Variants in VWF observed in about 807,000 individuals in gnomAD.
The protein encoded by VWF is Factor VIII related antigen.
Under a neutral mutation model 308.6 loss-of-function variants are expected in VWF, and 176 were observed. That is an observed-to-expected ratio of 0.57 (90% CI 0.50 to 0.65). The LOEUF is 0.65. VWF is among the 30% of genes least tolerant of loss of function. The pLI is 0.00. For missense variants in VWF, 3,146 were observed against 3,648.2 expected, an observed-to-expected ratio of 0.86 and a Z score of 3.55; for synonymous variants, 1,385 against 1,443.4, an observed-to-expected ratio of 0.96 and a Z score of 0.92.
rs2136408263 is a variant in VWF at position 6,016,088 on chromosome 12, C to T, written c.5455+1G>A. 2 of 1,614,120 alleles carry T rather than the reference C, an allele frequency of 1.2e-6. No homozygotes were observed. Among genetic ancestry groups the T allele is most frequent in the Admixed American group, 3.3e-5 (2 of 60,020 alleles). On this transcript the variant is annotated splice_donor_variant, in intron 31 of 51. Transcript: ENST00000261405. LOFTEE classifies it high-confidence loss of function. ...TTGAGGACTGTACACCAGATTCTTACTGTTGGACCTGGCGGCATCAGCTGC... is the reference window on the plus strand; with the variant it reads ...TTGAGGACTGTACACCAGATTCTTATTGTTGGACCTGGCGGCATCAGCTGC...
chr12:6,075,236 C>T lies in VWF; in HGVS notation c.874+99G>A. 1.4e-6 allele frequency: 2 copies of T among 1,477,832 alleles called. No homozygotes were observed. The highest frequency in any genetic ancestry group is 1.9e-6 in the Non-Finnish European group (2 of 1,070,864). The allele number at this position is 1,477,832 out of a possible 1,614,324, so 91.5% of individuals were successfully genotyped here. A position where few individuals can be genotyped will look rare whatever the true frequency, so the allele number is the denominator to read the frequency against. On this transcript the variant is annotated intron_variant, in intron 7 of 51. Coordinates refer to ENST00000261405, the MANE Select transcript of VWF (RefSeq NM_000552.5). The surrounding 1 kb of genome is among the most constrained non-coding windows in gnomAD (Gnocchi z 4.7). ...ACTGGCTGGCTGGGTGTGGTAAAGC[C>T]GCACATACGTGACACAGCCCCGAAG...
chr12:6,036,181 G>A (rs1591875353), intron 19 of VWF, among the ~76,000 whole-genome samples: 2 of 152,318 alleles, frequency 1.3e-5, no homozygotes, highest in Admixed American at 1.3e-4. Context: ...CTAACCTGTT[G>A]AATAGTGTCT....
In VWF at chr12:6,018,609, CA is replaced by C. The variant is rs1269337294; in HGVS notation, c.4808del (p.Leu1603ArgfsTer90). ...SQGDREQAPN[L>X]VYMVTGNPAS... ...CAGGATTTCCGGTGACCATGTAGACCAGGTTGGGCGCCTGCTCCCGGTCACC... is the reference window on the plus strand; with the variant it reads ...CAGGATTTCCGGTGACCATGTAGACCGGTTGGGCGCCTGCTCCCGGTCACC... On this transcript the variant is annotated frameshift_variant, in exon 28 of 52. Coordinates refer to ENST00000261405, the MANE Select transcript of VWF (RefSeq NM_000552.5). LOFTEE classifies it high-confidence loss of function. The C allele has an allele frequency of 6.2e-7, 1 of 1,613,992 alleles. No homozygotes were observed. The highest frequency in any genetic ancestry group is 8.5e-7 in the Non-Finnish European group (1 of 1,180,014).
chr12:6,074,431 C>A (rs1302913293), intron 7 of VWF, among the ~76,000 whole-genome samples: 3 of 149,102 alleles, frequency 2.0e-5, no homozygotes, highest in Non-Finnish European at 4.4e-5. Flanking sequence ...ACTATTGCCC[C>A]TTAACCCTTC....
chr12:6,027,737 T>G (rs1388097881), intron 22 of VWF, among the ~76,000 whole-genome samples: 1 of 151,972 alleles, frequency 6.6e-6, no homozygotes, highest in Non-Finnish European at 1.5e-5. Context: ...GCCCACCAAT[T>G]TTAGCTTTCC....
At chr12:6,044,583 C>A in intron 17 of VWF, 132 bp from the exon 18 acceptor site, 1 of 1,165,862 alleles carries the variant, frequency 8.6e-7, no homozygotes, top group Non-Finnish European at 1.2e-6. Context: ...CGGGGACCAG[C>A]AGCTGCCTGA....
rs147150076 is a variant in VWF at position 6,087,124 on chromosome 12, A to G, written c.657+8336T>C. Among the ~76,000 whole-genome samples, 447 of 152,300 alleles carry G rather than the reference A, an allele frequency of 2.9e-3. 1 individual carries two copies. Among genetic ancestry groups the G allele is most frequent in the African/African-American group, 8.9e-3 (371 of 41,574 alleles). Reference sequence around the variant, plus strand: ...GAAAACAGGAAATCTGAGGCTATTCAGTGACTGACAGGACTGCAATTGATG... The same window carrying G: ...GAAAACAGGAAATCTGAGGCTATTCGGTGACTGACAGGACTGCAATTGATG... On this transcript the variant is annotated intron_variant, in intron 6 of 51. Coordinates refer to ENST00000261405, the MANE Select transcript of VWF (RefSeq NM_000552.5).
At position 6,058,847 on chromosome 12, in the gene VWF, G is replaced by A. The variant is rs1802591839; in HGVS notation, c.1534-803C>T. On this transcript the variant is annotated intron_variant, in intron 13 of 51. Transcript: ENST00000261405. The surrounding 1 kb of genome is among the most constrained non-coding windows in gnomAD (Gnocchi z 4.9). Reference sequence around the variant, plus strand: ...TGCACATTCGGGAACAACCAGCAGAGTGGAGCCCGCCCTTCCCCCACACAG... The same window carrying A: ...TGCACATTCGGGAACAACCAGCAGAATGGAGCCCGCCCTTCCCCCACACAG... Among the ~76,000 whole-genome samples, 1 of 152,232 alleles carries A rather than the reference G, an allele frequency of 6.6e-6. No individual in the cohort carries two copies. The highest frequency in any genetic ancestry group is 2.4e-5 in the African/African-American group (1 of 41,454).
intron 8 of VWF, 140 bp downstream of exon 8, chr12:6,073,479 G>C: frequency 8.3e-7 from 1 of 1,207,454 alleles, no homozygotes; most frequent in South Asian, 1.3e-5. Context: ...GATCACGCTG[G>C]ACAAAGACAT....
At chr12:6,072,870 C>CTT (rs11386491) in intron 8 of VWF, among the ~76,000 whole-genome samples, 278 of 146,300 alleles carry the variant, frequency 1.9e-3, no homozygotes, top group East Asian at 6.2e-3. Context: ...CTCTCAATAA[C>CTT]TTTTTTTTTT....
chr12:6,032,934 A>C (rs111918497), intron 20 of VWF, among the ~76,000 whole-genome samples: 1 of 151,978 alleles, frequency 6.6e-6, no homozygotes, highest in African/African-American at 2.4e-5. Context: ...ACACGCGCTC[A>C]CGCATACACA....
intron 51 of VWF, among the ~76,000 whole-genome samples, chr12:5,949,421 T>A (rs1191721812): frequency 6.6e-6 from 1 of 152,182 alleles, no homozygotes; most frequent in African/African-American, 2.4e-5. Context: ...CACACCCCTC[T>A]AGCTGCAATT....
chr12:6,066,075 C>T (rs1426844199), intron 10 of VWF, among the ~76,000 whole-genome samples: 2 of 152,192 alleles, frequency 1.3e-5, no homozygotes, highest in Non-Finnish European at 2.9e-5. Context: ...ACTAGGACTC[C>T]CCTTCATCAC....
At chr12:6,009,426 A>AACAC (rs3062550) in intron 34 of VWF, among the ~76,000 whole-genome samples, 4,443 of 146,590 alleles carry the variant, frequency 0.03, 87 homozygotes, top group East Asian at 0.052. Flanking sequence ...GCCATTATCA[A>AACAC]ACACACACAC....
chr12:6,119,403 C>T (rs966192377), intron 3 of VWF, among the ~76,000 whole-genome samples: 1 of 152,236 alleles, frequency 6.6e-6, no homozygotes, highest in Non-Finnish European at 1.5e-5. Context: ...CTGCTCCAGC[C>T]ACACTGACCT....
intron 47 of VWF, among the ~76,000 whole-genome samples, chr12:5,963,935 C>T (rs1345417457): frequency 2.0e-5 from 3 of 152,156 alleles, no homozygotes; most frequent in African/African-American, 7.2e-5. Flanking sequence ...CAGCCAGGCG[C>T]AGTGGCTCAC....
Position 6,029,406 on chromosome 12 carries a change from T to C in VWF, c.2903A>G (p.Lys968Arg). Residue 968 changes from lysine (K) to arginine (R), a missense_variant, in exon 22 of 52, where the codon AAA becomes AGA. This residue lies in a region of VWF where 1,304 missense variants were observed against 1,353.0 expected (regional missense o/e 0.96). Transcript: ENST00000261405. ...SGRYIILLLG[K>R]ALSVVWDRHL... is the part of the protein sequence containing the mutation. ...GCGGTCCCAGACCACGGAGAGGGCTTTGCCCAGCAGCAGAATGATGTACCG... is the reference window on the plus strand; with the variant it reads ...GCGGTCCCAGACCACGGAGAGGGCTCTGCCCAGCAGCAGAATGATGTACCG... 4 of 1,613,996 alleles carry C rather than the reference T, an allele frequency of 2.5e-6. No individual in the cohort carries two copies. Among genetic ancestry groups the C allele is most frequent in the Non-Finnish European group, 3.4e-6 (4 of 1,180,000 alleles).
At position 6,056,988 on chromosome 12, in the gene VWF, AG is replaced by A; in HGVS notation, c.1813del (p.Leu605CysfsTer46). The A allele has an allele frequency of 2.6e-6, 4 of 1,545,690 alleles. No homozygotes were observed. Among genetic ancestry groups the A allele is most frequent in the Non-Finnish European group, 3.5e-6 (4 of 1,150,406 alleles). ...CHRAVSPLPY[L>X]RNCRYDVCSC... is the part of the protein sequence containing the mutation. ...GCACACGTCGTAGCGGCAGTTCCGC[AG>A]GTAGGGCAGCGGGCTGACGGCACGA... On this transcript the variant is annotated frameshift_variant, in exon 15 of 52. Transcript: ENST00000261405. LOFTEE classifies it high-confidence loss of function.
intron 5 of VWF, among the ~76,000 whole-genome samples, chr12:6,107,535 C>T (rs1945256573): frequency 6.6e-6 from 1 of 152,088 alleles, no homozygotes. Flanking sequence ...ATACATCAAA[C>T]AAACACTAAC....
Sources: allele counts gnomAD v4.1 joint callset (sites outside exome capture counted in the v4.1 genomes callset), GRCh38; gene constraint gnomAD v4.1.1; regional missense constraint gnomAD v4.1.1; non-coding constraint Gnocchi (gnomAD v3.1); transcripts MANE v1.5; gene names NCBI Gene and HGNC (gene_info 2026-07-23, HGNC 2026-07-21).